The following KIAA0825 variants were observed in gnomAD, a reference collection of about 807,000 sequenced individuals.
KIAA0825 encodes KIAA0825.
KIAA0825 carries 119 observed loss-of-function variants against 147.6 expected under a neutral mutation model. The observed-to-expected ratio is 0.81, with a 90% CI of 0.69 to 0.94. The LOEUF is 0.94. Among genes scored for constraint, KIAA0825 ranks in the 40% least tolerant of loss-of-function variants. KIAA0825 has a pLI of 0.00. For synonymous variants in KIAA0825, 470 were observed against 518.1 expected, an observed-to-expected ratio of 0.91 and a Z score of 1.26; for missense variants, 1,381 against 1,472.7, an observed-to-expected ratio of 0.94 and a Z score of 1.02.
chr5:94,558,223 G>GCAGCCTGCCACCATCTTGGAAA (rs1776925022), intron 2 of KIAA0825, among the ~76,000 whole-genome samples: 2 of 152,172 alleles, frequency 1.3e-5, no homozygotes, highest in African/African-American at 2.4e-5. Flanking sequence ...CATCTTGGAA[G>GCAGCCTGCCACCATCTTGGAAA]CAGCCTGCCA....
chr5:94,156,639 A>C (rs1419244188), intron 20 of KIAA0825, among the ~76,000 whole-genome samples: 1 of 152,192 alleles, frequency 6.6e-6, no homozygotes, highest in Non-Finnish European at 1.5e-5. Context: ...TTGAAGCTTC[A>C]TGACAATTAT....
chr5:94,569,284 C>T (rs1196749084), intron 2 of KIAA0825: 4 of 292,472 alleles, frequency 1.4e-5, no homozygotes, highest in Non-Finnish European at 2.6e-5. Flanking sequence ...CATTATACCC[C>T]CTAAATAAAT....
intron 20 of KIAA0825, among the ~76,000 whole-genome samples, chr5:94,287,026 T>C (rs1003609639): frequency 6.6e-6 from 1 of 152,180 alleles, no homozygotes; most frequent in African/African-American, 2.4e-5. Flanking sequence ...TAGACTTGTA[T>C]GCTCTAGATA....
At chr5:94,414,181 T>G (rs1753123233) in intron 15 of KIAA0825, 1 of 152,184 alleles carries the variant, frequency 6.6e-6, no homozygotes, top group Non-Finnish European at 1.5e-5. Flanking sequence ...TTAAGAAAAC[T>G]GATTCAGAAA....
intron 20 of KIAA0825, among the ~76,000 whole-genome samples, chr5:94,220,071 C>T (rs543110825): frequency 6.6e-6 from 1 of 152,210 alleles, no homozygotes; most frequent in East Asian, 1.9e-4. Context: ...TATAGCTGTG[C>T]AAAAAATTCT....
chr5:94,410,016 C>A (rs1299426740), intron 15 of KIAA0825, among the ~76,000 whole-genome samples: 2 of 151,028 alleles, frequency 1.3e-5, no homozygotes, highest in African/African-American at 2.4e-5. Flanking sequence ...AGAAATATAC[C>A]CAGAAATGAA....
Position 94,386,243 on chromosome 5 carries a change from T to C in KIAA0825, c.3618A>G (p.Val1206=), listed in dbSNP as rs1334468887. The C allele has an allele frequency of 6.5e-7, 1 of 1,541,008 alleles. No homozygotes were observed. Among genetic ancestry groups the C allele is most frequent in the East Asian group, 2.4e-5 (1 of 40,836 alleles). Residue 1206 remains valine, a splice_region_variant and synonymous_variant, in exon 19 of 21, where the codon GTA becomes GTG. Transcript: ENST00000682413. ...KAFSENMLDQ[V]SITKWNWNWA... is the part of the protein sequence containing the mutation. ...TTAAATTTACCATTTAATTTCCACA[T>C]ACCTGATCTAGCATGTTTTCACTAA...
intron 14 of KIAA0825, among the ~76,000 whole-genome samples, chr5:94,428,462 G>T (rs1170801379): frequency 6.6e-6 from 1 of 152,054 alleles, no homozygotes; most frequent in African/African-American, 2.4e-5. Flanking sequence ...TTCCCTTAGT[G>T]CTTGCTTGTC....
chr5:94,408,099 T>A (rs1000348896), intron 15 of KIAA0825, among the ~76,000 whole-genome samples: 1 of 152,176 alleles, frequency 6.6e-6, no homozygotes, highest in Non-Finnish European at 1.5e-5. Flanking sequence ...TAAAACTTTA[T>A]TAAAATGGTG....
intron 20 of KIAA0825, among the ~76,000 whole-genome samples, chr5:94,222,044 T>C (rs907912776): frequency 1.3e-5 from 2 of 152,098 alleles, no homozygotes; most frequent in African/African-American, 2.4e-5. Context: ...TCCCTTTATC[T>C]CTCAGGGCAC....
intron 3 of KIAA0825, among the ~76,000 whole-genome samples, chr5:94,530,259 A>G (rs982262396): frequency 1.1e-4 from 16 of 148,154 alleles, no homozygotes; most frequent in Non-Finnish European, 2.2e-4. Context: ...CAACGAGAGT[A>G]AAACTCCGTC....
intron 2 of KIAA0825, among the ~76,000 whole-genome samples, chr5:94,551,931 A>G (rs1482365538): frequency 3.9e-5 from 6 of 152,108 alleles, no homozygotes; most frequent in African/African-American, 1.4e-4. Flanking sequence ...TCACTTATCA[A>G]TAATAACCTT....
At chr5:94,164,663 A>G (rs905747891) in intron 20 of KIAA0825, among the ~76,000 whole-genome samples, 3 of 152,050 alleles carry the variant, frequency 2.0e-5, no homozygotes, top group Admixed American at 1.3e-4. Context: ...TGCCTGCCTC[A>G]GCCTCCCAAA....
rs965543314 is a variant in KIAA0825, at chr5:94,300,863, G to A, written c.3710+83505C>T. 2.6e-5 allele frequency among the ~76,000 whole-genome samples: 4 copies of A among 152,134 alleles called. No individual in the cohort carries two copies. The East Asian group carries it at 5.8e-4, about 22-fold the overall frequency. The stretch of plus-strand genomic sequence containing the variant: ...AGGGGGTTAGGGAGGAAAAGAGATG[G>A]CAGAGAAAATAAAAAGGGAGACATC... On this transcript the variant is annotated intron_variant, in intron 20 of 20. Coordinates refer to ENST00000682413, the MANE Select transcript of KIAA0825 (RefSeq NM_001145678.3).
intron 15 of KIAA0825, chr5:94,413,394 A>G (rs1344791440): frequency 3.9e-5 from 6 of 152,226 alleles, no homozygotes; most frequent in Non-Finnish European, 8.8e-5. Flanking sequence ...GAAATAATCA[A>G]AATGTCCACC....
chr5:94,574,663 TCTTA>T lies in KIAA0825; in HGVS notation c.-2+7766_-2+7769del, dbSNP rs755582346. Among the ~76,000 whole-genome samples the T allele has an allele frequency of 3.3e-5, 5 of 152,036 alleles. No individual in the cohort carries two copies. The East Asian group carries it at 9.6e-4, about 29-fold the overall frequency. ...CTCCCTGCTGTTTCACAACCTCAGC[TCTTA>T]CTAACTTGATTATTGCCAATATATA... On this transcript the variant is annotated intron_variant, in intron 2 of 20. Coordinates refer to ENST00000682413, the MANE Select transcript of KIAA0825 (RefSeq NM_001145678.3).
intron 20 of KIAA0825, among the ~76,000 whole-genome samples, chr5:94,361,590 T>C (rs1008360952): frequency 6.6e-6 from 1 of 152,148 alleles, no homozygotes; most frequent in Non-Finnish European, 1.5e-5. Context: ...TTGTGAAAAA[T>C]AATATTATTT....
At chr5:94,449,241 A>G (rs1183189682) in intron 13 of KIAA0825, among the ~76,000 whole-genome samples, 1 of 152,200 alleles carries the variant, frequency 6.6e-6, no homozygotes, top group East Asian at 1.9e-4. Flanking sequence ...TCCAGGAAAT[A>G]AGCCAGAAAA....
chr5:94,513,264 A>T (rs2151174769), intron 5 of KIAA0825, among the ~76,000 whole-genome samples: 1 of 152,282 alleles, frequency 6.6e-6, no homozygotes, highest in South Asian at 2.1e-4. Flanking sequence ...TAATCTTTTA[A>T]AAAGTTTTTC....
Sources: gnomAD v4.1 joint callset for allele counts (sites outside exome capture counted in the v4.1 genomes callset) on GRCh38, gnomAD v4.1.1 for gene constraint, MANE v1.5 for transcripts, NCBI Gene and HGNC (gene_info 2026-07-23, HGNC 2026-07-21) for gene names.